The following DPP10 variants were observed in gnomAD, a reference collection of about 807,000 sequenced individuals.
The protein encoded by DPP10 is inactive dipeptidyl peptidase 10.
DPP10 carries 33 observed loss-of-function variants against 120.9 expected under a neutral mutation model. That is an observed-to-expected ratio of 0.27 (90% CI 0.21 to 0.37). DPP10 has a LOEUF of 0.37. DPP10 is among the 10% of genes least tolerant of loss of function. The probability of loss-of-function intolerance (pLI) is 1.00; values close to 1 mark genes in which losing one functional copy is unlikely to be tolerated. For missense variants in DPP10, 816 were observed against 942.8 expected (o/e 0.87, Z 1.76); for synonymous variants, 337 against 326.1 (o/e 1.03, Z -0.36).
At chr2:114,523,522 T>C (rs1203995705) in intron 1 of DPP10, among the ~76,000 whole-genome samples, 1 of 152,186 alleles carries the variant, frequency 6.6e-6, no homozygotes, top group Non-Finnish European at 1.5e-5. Flanking sequence ...CACTGACTGG[T>C]CCTTTGTTAT....
At chr2:114,475,698 T>A (rs532460367) in intron 1 of DPP10, among the ~76,000 whole-genome samples, 2 of 152,306 alleles carry the variant, frequency 1.3e-5, no homozygotes, top group East Asian at 1.9e-4. Flanking sequence ...ATTTAAAGAA[T>A]CACAGTTTTA....
At chr2:115,734,066 T>C in intron 8 of DPP10, among the ~76,000 whole-genome samples, 1 of 152,212 alleles carries the variant, frequency 6.6e-6, no homozygotes, top group East Asian at 1.9e-4. Flanking sequence ...CACCTTCCCA[T>C]TCCAGGTAGC....
chr2:115,500,782 T>G (rs2148793947), intron 4 of DPP10, among the ~76,000 whole-genome samples: 1 of 152,142 alleles, frequency 6.6e-6, no homozygotes, highest in African/African-American at 2.4e-5. Context: ...GCCTACTGTC[T>G]AAGAATGTGG....
chr2:114,895,459 G>T (rs1692890035), intron 1 of DPP10, among the ~76,000 whole-genome samples: 1 of 152,102 alleles, frequency 6.6e-6, no homozygotes, highest in Non-Finnish European at 1.5e-5. Context: ...AGAGGTATGT[G>T]GGTCACTTCC....
intron 7 of DPP10, among the ~76,000 whole-genome samples, chr2:115,710,617 C>T (rs1041531392): frequency 1.3e-5 from 2 of 151,894 alleles, no homozygotes; most frequent in South Asian, 2.1e-4. Context: ...ATTTGGATTA[C>T]GAATACATTT....
chr2:114,727,996 T>C (rs1676505795), intron 1 of DPP10, among the ~76,000 whole-genome samples: 1 of 152,238 alleles, frequency 6.6e-6, no homozygotes, highest in African/African-American at 2.4e-5. Flanking sequence ...ATCCCCATGA[T>C]CAAAGGGCTC....
chr2:115,782,068 G>A (rs1575761260), intron 16 of DPP10, among the ~76,000 whole-genome samples: 3 of 151,914 alleles, frequency 2.0e-5, no homozygotes, highest in Non-Finnish European at 4.4e-5. Flanking sequence ...TAGAGATAAA[G>A]AGAAAGCATG....
chr2:114,543,693 G>A (rs1356502367), intron 1 of DPP10, among the ~76,000 whole-genome samples: 2 of 152,040 alleles, frequency 1.3e-5, no homozygotes, highest in Non-Finnish European at 2.9e-5. Context: ...TCTCCCATAC[G>A]GGCTGTTAAC....
At chr2:114,922,988 T>C (rs1158510276) in intron 1 of DPP10, among the ~76,000 whole-genome samples, 1 of 152,150 alleles carries the variant, frequency 6.6e-6, no homozygotes, top group Admixed American at 6.5e-5. Context: ...ATTGGCATCA[T>C]TCATGAGTAT....
Position 115,777,830 on chromosome 2 carries a change from T to C in DPP10, c.1357T>C (p.Tyr453His). 6.2e-7 allele frequency: 1 copy of C among 1,613,260 alleles called. No homozygotes were observed. Among genetic ancestry groups the C allele is most frequent in the Non-Finnish European group, 8.5e-7 (1 of 1,179,408 alleles). Residue 453 changes from tyrosine (Y) to histidine (H), a missense_variant, in exon 15 of 26, where the codon TAC becomes CAC. Tyr to His is a moderately conservative substitution (Grantham distance 83). This residue lies in a region of DPP10 where 592 missense variants were observed against 649.0 expected (regional missense o/e 0.91). Coordinates refer to ENST00000410059, the MANE Select transcript of DPP10 (RefSeq NM_020868.6). ...ATCTTCTCCCAGAGGAAGGCAGCTGTACAGGTAAGCAGTGTGCAAGGATCT... is the reference window on the plus strand; with the variant it reads ...ATCTTCTCCCAGAGGAAGGCAGCTGCACAGGTAAGCAGTGTGCAAGGATCT... The part of the protein sequence containing the change: ...TESSPRGRQL[Y>H]SASTEGLLNR...
At chr2:115,423,818 A>AATACCTT (rs1383921959) in intron 3 of DPP10, among the ~76,000 whole-genome samples, 1 of 152,154 alleles carries the variant, frequency 6.6e-6, no homozygotes, top group Non-Finnish European at 1.5e-5. Context: ...CATCAGCAAG[A>AATACCTT]ATACCTTACA....
chr2:114,592,302 A>G (rs1691527912), intron 1 of DPP10, among the ~76,000 whole-genome samples: 1 of 152,150 alleles, frequency 6.6e-6, no homozygotes, highest in Admixed American at 6.6e-5. Flanking sequence ...GACACCTGCT[A>G]CTTCCTGTTT....
intron 1 of DPP10, among the ~76,000 whole-genome samples, chr2:114,660,628 G>A (rs991243463): frequency 5.9e-5 from 9 of 152,218 alleles, no homozygotes; most frequent in African/African-American, 2.2e-4. Flanking sequence ...AAACTCTCCA[G>A]ACGTCATTGG....
At chr2:115,540,476 A>G (rs1340094727) in intron 5 of DPP10, among the ~76,000 whole-genome samples, 1 of 151,898 alleles carries the variant, frequency 6.6e-6, no homozygotes, top group Admixed American at 6.6e-5. Flanking sequence ...GGGAGAAAAT[A>G]TGCATTTTCT....
At position 115,131,926 on chromosome 2, in the gene DPP10, T is replaced by TA. The variant is rs112608146; in HGVS notation, c.61-177299dup. On this transcript the variant is annotated intron_variant, in intron 1 of 25. Transcript: ENST00000410059. The stretch of plus-strand genomic sequence containing the variant: ...CAACATGGTGAAACCCTGTCTCTAC[T>TA]AAAAAAAAAAAAAATACAAAAATTA... The TA allele has an allele frequency of 4.3e-3, 590 of 138,768 alleles. 3 individuals carry two copies. The highest frequency in any genetic ancestry group is 5.3e-3 in the African/African-American group (202 of 37,772). The allele number at this position is 138,768 out of a possible 1,614,324, so 8.6% of individuals were successfully genotyped here.
intron 1 of DPP10, among the ~76,000 whole-genome samples, chr2:114,939,457 T>C (rs1274768691): frequency 6.6e-6 from 1 of 152,200 alleles, no homozygotes; most frequent in Non-Finnish European, 1.5e-5. Context: ...TCCTGACACC[T>C]GTTTCACATT....
chr2:115,618,474 G>A (rs938026487), intron 5 of DPP10, among the ~76,000 whole-genome samples: 1 of 152,108 alleles, frequency 6.6e-6, no homozygotes, highest in Admixed American at 6.5e-5. Context: ...CAAGTTTAAA[G>A]GTTCTGAGGA....
At chr2:114,534,728 G>A (rs59796831) in intron 1 of DPP10, among the ~76,000 whole-genome samples, 13,224 of 151,234 alleles carry the variant, frequency 0.087, 741 homozygotes, top group East Asian at 0.25. Context: ...AAGGGAATAC[G>A]TATCAACAAT....
chr2:115,693,600 G>C (rs1005034456), intron 7 of DPP10, among the ~76,000 whole-genome samples: 1 of 151,900 alleles, frequency 6.6e-6, no homozygotes, highest in African/African-American at 2.4e-5. Flanking sequence ...CAAAATAATA[G>C]CACTTTGATA....
Sources: allele counts gnomAD v4.1 joint callset (sites outside exome capture counted in the v4.1 genomes callset), GRCh38; gene constraint gnomAD v4.1.1; regional missense constraint gnomAD v4.1.1; transcripts MANE v1.5; gene names NCBI Gene and HGNC (gene_info 2026-07-23, HGNC 2026-07-21).